Variants in TF observed in about 807,000 individuals in gnomAD.
TF encodes transferrin.
A neutral mutation model predicts 82.4 loss-of-function variants in TF; 55 were observed. The ratio of observed to expected loss-of-function variants is 0.67; its 90% CI spans 0.54 to 0.84. The LOEUF (loss-of-function observed/expected upper bound fraction) is 0.84, where lower values mean the gene tolerates loss of function less well. Ranked by LOEUF, TF falls within the 40% of genes least tolerant of loss-of-function variation. The pLI, the probability that TF is intolerant of heterozygous loss-of-function variation, is 0.00. For missense variants in TF, 737 were observed against 868.4 expected (o/e 0.85, Z 1.90); for synonymous variants, 332 against 332.6 (o/e 1.00, Z 0.02).
chr3:133,796,635 T>G lies in TF; in HGVS notation c.*18015T>G, dbSNP rs1934979214. 1 of 152,242 alleles carries G rather than the reference T, an allele frequency of 6.6e-6. No homozygotes were observed. The highest frequency in any genetic ancestry group is 6.5e-5 in the Admixed American group (1 of 15,286). The allele number at this position is 152,242 out of a possible 1,614,324, so 9.4% of individuals were successfully genotyped here. A position where few individuals can be genotyped will look rare whatever the true frequency, so the allele number is the denominator to read the frequency against. On this transcript the variant is annotated 3_prime_UTR_variant, in exon 17 of 17. Transcript: ENST00000402696. ...GTTTTCAATAAACCTCTGCTTTTGT[T>G]GCTTCATTCTTTCCTTGCTTTGTTT...
the TF span, among the ~76,000 whole-genome samples, chr3:133,694,778 A>G: frequency 4.6e-5 from 7 of 152,214 alleles, no homozygotes; most frequent in African/African-American, 1.7e-4. Context: ...TCCATGCTCC[A>G]TAAGAGAAAT....
At chr3:133,746,979 AG>A (rs757597438) in intron 1 of TF, among the ~76,000 whole-genome samples, 1 of 152,120 alleles carries the variant, frequency 6.6e-6, no homozygotes, top group Non-Finnish European at 1.5e-5. Flanking sequence ...CTCACCAGGG[AG>A]GGGGTCATCA....
chr3:133,682,193 C>T, the TF span, among the ~76,000 whole-genome samples: 1 of 152,164 alleles, frequency 6.6e-6, no homozygotes, highest in Non-Finnish European at 1.5e-5. Flanking sequence ...ACCAAAACCC[C>T]ATCTGTACGT....
chr3:133,789,166 T>G lies in TF; in HGVS notation c.*10546T>G, dbSNP rs1164212463. On this transcript the variant is annotated 3_prime_UTR_variant, in exon 17 of 17. Coordinates refer to ENST00000402696, the MANE Select transcript of TF (RefSeq NM_001063.4). ...CAAAGGGGATGCCCTTGGCAGCAGT[T>G]CTAAGGACTAGTACTAAGCCCTCCT... 1 of 152,290 alleles carries G rather than the reference T, an allele frequency of 6.6e-6. No individual in the cohort carries two copies. Among genetic ancestry groups the G allele is most frequent in the Non-Finnish European group, 1.5e-5 (1 of 68,092 alleles). The allele number at this position is 152,290 out of a possible 1,614,324, so 9.4% of individuals were successfully genotyped here. A position where few individuals can be genotyped will look rare whatever the true frequency, so the allele number is the denominator to read the frequency against.
chr3:133,674,752 G>C, the TF span, among the ~76,000 whole-genome samples: 2 of 152,048 alleles, frequency 1.3e-5, no homozygotes, highest in East Asian at 3.9e-4. Flanking sequence ...CGCGACAACC[G>C]GACAGTCAGC....
At position 133,777,108 on chromosome 3, in the gene TF, AAC is replaced by A; in HGVS notation, c.1933_1934del (p.Thr645GlnfsTer8). Reference protein sequence around the residue: ...SGNFCLFRSETKDLLFRDDTV... With the variant: ...SGNFCLFRSEXKDLLFRDDTV... Reference sequence around the variant, plus strand: ...GCAACTTTTGTTTGTTCCGGTCGGAAACCAAGGACCTTCTGTTCAGAGATGAC... The same window carrying A: ...GCAACTTTTGTTTGTTCCGGTCGGAACAAGGACCTTCTGTTCAGAGATGAC... On this transcript the variant is annotated frameshift_variant, in exon 16 of 17. Coordinates refer to ENST00000402696, the MANE Select transcript of TF (RefSeq NM_001063.4). LOFTEE classifies it high-confidence loss of function. 1.2e-6 allele frequency: 2 copies of A among 1,614,196 alleles called. No individual in the cohort carries two copies. Among genetic ancestry groups the A allele is most frequent in the Non-Finnish European group, 1.7e-6 (2 of 1,180,030 alleles).
the TF span, among the ~76,000 whole-genome samples, chr3:133,719,716 T>C: frequency 6.6e-6 from 1 of 152,186 alleles, no homozygotes; most frequent in South Asian, 2.1e-4. Flanking sequence ...ATGGCCATTT[T>C]TACAATGTTA....
At chr3:133,743,392 T>C (rs1187988222), upstream of TF, among the ~76,000 whole-genome samples, 1 of 152,020 alleles carries the variant, frequency 6.6e-6, no homozygotes, top group African/African-American at 2.4e-5. Flanking sequence ...GGCTGTGTGC[T>C]TTTGGAGAAA....
intron 2 of TF, among the ~76,000 whole-genome samples, chr3:133,749,297 T>G (rs1426547072): frequency 6.6e-6 from 1 of 152,216 alleles, no homozygotes; most frequent in Non-Finnish European, 1.5e-5. Flanking sequence ...AGGTGACAGC[T>G]GATCTTTTTG....
intron 2 of TF, 57 bp from the exon 3 acceptor site, chr3:133,753,538 A>G: frequency 2.0e-6 from 3 of 1,478,252 alleles, no homozygotes; most frequent in African/African-American, 1.4e-5. Flanking sequence ...GTGTGGGTTG[A>G]GGTGGGCCTT....
chr3:133,736,631 C>CAAAAAAGAAAAGAAAAAAA, the TF span, among the ~76,000 whole-genome samples: 5 of 32,560 alleles, frequency 1.5e-4, no homozygotes, highest in Admixed American at 9.3e-4. Flanking sequence ...AATGGAAAGC[C>CAAAAAAGAAAAGAAAAAAA]AAAAAAAAAA....
At chr3:133,695,956 A>C in the TF span, among the ~76,000 whole-genome samples, 1 of 152,210 alleles carries the variant, frequency 6.6e-6, no homozygotes, top group African/African-American at 2.4e-5. Flanking sequence ...ACAGTGCGAA[A>C]TTCTATCACA....
chr3:133,729,691 C>A, the TF span, among the ~76,000 whole-genome samples: 1 of 149,390 alleles, frequency 6.7e-6, no homozygotes, highest in African/African-American at 2.4e-5. Flanking sequence ...GTCTGGCACT[C>A]CCTAGTGAGA....
chr3:133,733,853 C>T, the TF span, among the ~76,000 whole-genome samples: 477 of 116,688 alleles, frequency 4.1e-3, no homozygotes, highest in Non-Finnish European at 6.9e-3. Context: ...CATTTTCTTT[C>T]CTTCCTTAAA....
the TF span, among the ~76,000 whole-genome samples, chr3:133,739,925 C>T: frequency 3.9e-5 from 6 of 152,212 alleles, no homozygotes; most frequent in African/African-American, 1.4e-4. Context: ...GACAGTGTGG[C>T]AATTCCTCAA....
chr3:133,723,477 GTT>G, the TF span, among the ~76,000 whole-genome samples: 1 of 133,578 alleles, frequency 7.5e-6, no homozygotes, highest in Non-Finnish European at 1.6e-5. Context: ...TTTTATTCTT[GTT>G]TTTTTTTTTT....
chr3:133,772,476 T>A (rs1056191689), intron 14 of TF, among the ~76,000 whole-genome samples: 4 of 152,240 alleles, frequency 2.6e-5, no homozygotes, highest in Non-Finnish European at 5.9e-5. Flanking sequence ...CACTTTTATG[T>A]AGAGAGTACA....
chr3:133,715,608 A>G, the TF span, among the ~76,000 whole-genome samples: 4 of 152,158 alleles, frequency 2.6e-5, no homozygotes, highest in Non-Finnish European at 5.9e-5. Context: ...TCTTCTTTTT[A>G]CAACAAAATT....
chr3:133,705,551 C>T, the TF span, among the ~76,000 whole-genome samples: 1 of 152,124 alleles, frequency 6.6e-6, no homozygotes, highest in South Asian at 2.1e-4. Flanking sequence ...TGGGATGGAA[C>T]CTATCTTCAA....
Sources: gnomAD v4.1 joint callset for allele counts (sites outside exome capture counted in the v4.1 genomes callset) on GRCh38, gnomAD v4.1.1 for gene constraint, MANE v1.5 for transcripts, NCBI Gene and HGNC (gene_info 2026-07-23, HGNC 2026-07-21) for gene names.